The following AZIN2 variants were observed in gnomAD, a reference collection of about 807,000 sequenced individuals.
AZIN2 encodes ODC antizyme inhibitor-2.
AZIN2 carries 28 observed loss-of-function variants against 47.8 expected under a neutral mutation model. The observed-to-expected ratio is 0.59, with a 90% CI of 0.43 to 0.80. The LOEUF (loss-of-function observed/expected upper bound fraction) is 0.80. Ranked by LOEUF, AZIN2 falls within the 30% of genes least tolerant of loss-of-function variation. The pLI, the probability that AZIN2 is intolerant of heterozygous loss-of-function variation, is 0.00. For missense variants in AZIN2, 535 were observed against 582.5 expected, an observed-to-expected ratio of 0.92 and a Z score of 0.84; for synonymous variants, 221 against 239.4, an observed-to-expected ratio of 0.92 and a Z score of 0.71.
intron 11 of AZIN2, chr1:33,119,792 T>C (rs1644730898): frequency 1.8e-6 from 1 of 565,506 alleles, no homozygotes; most frequent in African/African-American, 1.9e-5. Flanking sequence ...AAATAGATAA[T>C]ATAAGTGCCT....
At chr1:33,115,263 T>C (rs1033591818) in intron 10 of AZIN2, among the ~76,000 whole-genome samples, 3 of 152,178 alleles carry the variant, frequency 2.0e-5, no homozygotes, top group African/African-American at 7.2e-5. Flanking sequence ...CCCTGCCCTC[T>C]CTCACAGAGG....
intron 10 of AZIN2, 44 bp downstream of exon 10, chr1:33,098,223 A>G: frequency 7.4e-7 from 1 of 1,346,890 alleles, no homozygotes; most frequent in Non-Finnish European, 1.0e-6. Flanking sequence ...GTGTGTGTGT[A>G]TTTCAATAAC....
the AZIN2 span, chr1:33,159,849 C>T: frequency 1.2e-6 from 2 of 1,613,532 alleles, no homozygotes; most frequent in Non-Finnish European, 1.7e-6. This position sits in a 1 kb window ranked among gnomAD's most constrained non-coding sequence, Gnocchi z 4.2. Context: ...TGTCCGCCTC[C>T]AGCTCCTCTA....
the AZIN2 span, among the ~76,000 whole-genome samples, chr1:33,134,088 C>CT: frequency 2.0e-5 from 3 of 152,242 alleles, no homozygotes; most frequent in Non-Finnish European, 4.4e-5. Flanking sequence ...GTTGCCAGGC[C>CT]TTCATGCTAT....
chr1:33,111,630 C>T (rs575548340), intron 10 of AZIN2, among the ~76,000 whole-genome samples: 21 of 149,124 alleles, frequency 1.4e-4, no homozygotes, highest in Non-Finnish European at 2.5e-4. Flanking sequence ...TTTCCTGAGA[C>T]GGAGTCTTTT....
the AZIN2 span, among the ~76,000 whole-genome samples, chr1:33,131,217 C>T: frequency 6.6e-6 from 1 of 152,220 alleles, no homozygotes; most frequent in Non-Finnish European, 1.5e-5. Flanking sequence ...GTATGGTATA[C>T]CATTCTCCTC....
chr1:33,082,150 G>A (rs1323333872), intron 3 of AZIN2, 28 bp from the exon 4 acceptor site: 2 of 1,007,606 alleles, frequency 2.0e-6, no homozygotes, highest in Non-Finnish European at 3.0e-6. Context: ...CCCCCCAGCG[G>A]TTCCCTTCAT....
At chr1:33,124,354 A>C (rs1237913529), downstream of AZIN2, among the ~76,000 whole-genome samples, 2 of 152,152 alleles carry the variant, frequency 1.3e-5, no homozygotes, top group African/African-American at 2.4e-5. The surrounding 1 kb of genome is among the most constrained non-coding windows in gnomAD (Gnocchi z 4.6). Context: ...CTGGAGCAGA[A>C]GAAGCACGTC....
At chr1:33,083,839 G>A in intron 4 of AZIN2, 115 bp from the exon 5 acceptor site, 1 of 1,282,312 alleles carries the variant, frequency 7.8e-7, no homozygotes. Context: ...CTTAGCAGCA[G>A]GGTAGCTCTG....
chr1:33,085,886 C>T (rs1056232203), intron 5 of AZIN2, among the ~76,000 whole-genome samples: 8 of 152,170 alleles, frequency 5.3e-5, no homozygotes, highest in Non-Finnish European at 1.2e-4. Flanking sequence ...AGAGCCAGGA[C>T]GTCCTCGTTT....
chr1:33,120,015 T>A (rs754990546), intron 11 of AZIN2, 29 bp from the exon 12 acceptor site: 4 of 1,612,916 alleles, frequency 2.5e-6, no homozygotes, highest in Non-Finnish European at 3.4e-6. Flanking sequence ...CCATGCTGGC[T>A]ACTTGCAGCA....
the AZIN2 span, among the ~76,000 whole-genome samples, chr1:33,152,562 C>T: frequency 4.9e-5 from 7 of 142,686 alleles, no homozygotes; most frequent in African/African-American, 1.6e-4. Flanking sequence ...AGTGAAACTC[C>T]GTCTCAAAAA....
At chr1:33,087,814 G>A (rs1229721579) in intron 5 of AZIN2, among the ~76,000 whole-genome samples, 1 of 151,860 alleles carries the variant, frequency 6.6e-6, no homozygotes, top group African/African-American at 2.4e-5. Flanking sequence ...AAGTGTATAA[G>A]ATGAAAGAGA....
At chr1:33,134,625 G>A in the AZIN2 span, among the ~76,000 whole-genome samples, 4 of 152,152 alleles carry the variant, frequency 2.6e-5, no homozygotes, top group Admixed American at 2.0e-4. Flanking sequence ...CACAGATAGT[G>A]AGCTCCCTGG....
intron 10 of AZIN2, among the ~76,000 whole-genome samples, chr1:33,100,674 A>G (rs1383724937): frequency 2.6e-5 from 4 of 152,208 alleles, no homozygotes; most frequent in Non-Finnish European, 4.4e-5. Flanking sequence ...AGTACTGTAC[A>G]TGTTTCTAAA....
intron 10 of AZIN2, among the ~76,000 whole-genome samples, chr1:33,115,407 T>TAA (rs1167438601): frequency 4.6e-4 from 67 of 145,464 alleles, no homozygotes; most frequent in African/African-American, 1.6e-3. Flanking sequence ...ACAGATTCCT[T>TAA]AAAAAAAAAA....
intron 10 of AZIN2, among the ~76,000 whole-genome samples, 176 bp downstream of exon 10, chr1:33,098,355 T>C (rs1032990021): frequency 6.6e-6 from 1 of 152,250 alleles, no homozygotes; most frequent in Non-Finnish European, 1.5e-5. Flanking sequence ...TTACATATTT[T>C]AAAAAATGCC....
At chr1:33,089,428 T>C (rs1642283126) in intron 5 of AZIN2, among the ~76,000 whole-genome samples, 1 of 152,046 alleles carries the variant, frequency 6.6e-6, no homozygotes, top group South Asian at 2.1e-4. Flanking sequence ...TGAGACCCTG[T>C]CTCTAATTAA....
chr1:33,092,694 C>T (rs1246137877), intron 6 of AZIN2, among the ~76,000 whole-genome samples: 2 of 151,494 alleles, frequency 1.3e-5, no homozygotes, highest in African/African-American at 2.4e-5. Flanking sequence ...GACATTCAAG[C>T]GTAAGCAGAA....
Sources: allele counts gnomAD v4.1 joint callset (sites outside exome capture counted in the v4.1 genomes callset), GRCh38; gene constraint gnomAD v4.1.1; non-coding constraint Gnocchi (gnomAD v3.1); transcripts MANE v1.5; gene names NCBI Gene and HGNC (gene_info 2026-07-23, HGNC 2026-07-21).